Variants in NCKAP5 observed in about 807,000 individuals in gnomAD.
NCKAP5 encodes the protein nck-associated protein 5.
NCKAP5 carries 92 observed loss-of-function variants against 167.0 expected under a neutral mutation model. The ratio of observed to expected loss-of-function variants is 0.55; its 90% CI spans 0.47 to 0.66. NCKAP5 has a LOEUF of 0.66. Among genes scored for constraint, NCKAP5 ranks in the 30% least tolerant of loss-of-function variants. NCKAP5 has a pLI of 0.00. For missense variants in NCKAP5, 2,378 were observed against 2,315.0 expected (o/e 1.03, Z -0.56); for synonymous variants, 891 against 877.4 (o/e 1.02, Z -0.27).
chr2:133,222,142 A>G (rs1294038550), intron 4 of NCKAP5, among the ~76,000 whole-genome samples: 1 of 152,178 alleles, frequency 6.6e-6, no homozygotes, highest in Admixed American at 6.5e-5. Flanking sequence ...TTTTTGGATT[A>G]AGAACCCCTT....
chr2:133,313,353 G>C (rs1031569177), intron 3 of NCKAP5, among the ~76,000 whole-genome samples: 2 of 151,900 alleles, frequency 1.3e-5, no homozygotes, highest in African/African-American at 4.9e-5. Context: ...CAGAAGTTAA[G>C]TTGTATTCTC....
intron 8 of NCKAP5, among the ~76,000 whole-genome samples, chr2:132,914,780 G>A (rs1694733212): frequency 6.6e-6 from 1 of 151,962 alleles, no homozygotes; most frequent in African/African-American, 2.4e-5. Context: ...ATGGGTCACT[G>A]AGACGTGAAT....
chr2:133,566,808 C>A (rs1407270852), intron 1 of NCKAP5, among the ~76,000 whole-genome samples: 1 of 152,238 alleles, frequency 6.6e-6, no homozygotes, highest in Non-Finnish European at 1.5e-5. Flanking sequence ...GTTTTAGCAG[C>A]AAGTCCCTTA....
chr2:132,924,783 G>A (rs1695720395), intron 8 of NCKAP5, among the ~76,000 whole-genome samples: 1 of 151,990 alleles, frequency 6.6e-6, no homozygotes, highest in Non-Finnish European at 1.5e-5. Context: ...TAAAACCCAT[G>A]CCAAATCACA....
chr2:132,863,482 A>C (rs1229786514), intron 10 of NCKAP5, among the ~76,000 whole-genome samples: 1 of 152,040 alleles, frequency 6.6e-6, no homozygotes, highest in African/African-American at 2.4e-5. Context: ...AAAGAATGAA[A>C]GAAAAAAATC....
intron 8 of NCKAP5, among the ~76,000 whole-genome samples, chr2:132,900,311 C>T (rs965894581): frequency 6.6e-6 from 1 of 152,136 alleles, no homozygotes; most frequent in Admixed American, 6.5e-5. Flanking sequence ...TTGCCGCAAA[C>T]CCTCAACCTG....
intron 9 of NCKAP5, among the ~76,000 whole-genome samples, chr2:132,877,333 A>G (rs549267941): frequency 6.6e-6 from 1 of 152,328 alleles, no homozygotes; most frequent in Admixed American, 6.5e-5. Context: ...ATATTAAACA[A>G]TTAACATATC....
intron 10 of NCKAP5, among the ~76,000 whole-genome samples, chr2:132,862,373 T>C (rs1205808417): frequency 2.6e-5 from 4 of 152,192 alleles, no homozygotes; most frequent in East Asian, 3.8e-4. Flanking sequence ...AGCTTATGTA[T>C]AGGGTGTTTT....
At chr2:133,360,060 C>T (rs370723655) in intron 3 of NCKAP5, among the ~76,000 whole-genome samples, 13 of 152,078 alleles carry the variant, frequency 8.5e-5, no homozygotes, top group Admixed American at 8.5e-4. Context: ...CTGACCGCCC[C>T]ACCACCAGCC....
intron 6 of NCKAP5, chr2:133,118,494 C>G (rs1000648829): frequency 2.0e-5 from 3 of 152,140 alleles, no homozygotes; most frequent in African/African-American, 7.2e-5. Flanking sequence ...CATGGTCCAT[C>G]AGAAATAATA....
At chr2:133,361,463 T>A (rs1685099268) in intron 3 of NCKAP5, among the ~76,000 whole-genome samples, 1 of 152,210 alleles carries the variant, frequency 6.6e-6, no homozygotes, top group Admixed American at 6.5e-5. Flanking sequence ...TTAATCTCAT[T>A]TCAGTGGCAT....
At chr2:132,756,419 G>C (rs1216616466) in intron 16 of NCKAP5, among the ~76,000 whole-genome samples, 1 of 152,136 alleles carries the variant, frequency 6.6e-6, no homozygotes, top group African/African-American at 2.4e-5. Context: ...ACCTCTCTCT[G>C]TGGTTGAGGA....
chr2:133,278,074 GA>G (rs1271183222), intron 4 of NCKAP5, among the ~76,000 whole-genome samples: 1 of 152,178 alleles, frequency 6.6e-6, no homozygotes, highest in African/African-American at 2.4e-5. Flanking sequence ...TCAGCTGGAT[GA>G]AAGGAATGGT....
At chr2:133,465,077 A>G (rs1423727395) in intron 3 of NCKAP5, among the ~76,000 whole-genome samples, 2 of 151,724 alleles carry the variant, frequency 1.3e-5, no homozygotes, top group African/African-American at 4.9e-5. Flanking sequence ...TTACATATGT[A>G]TACATGTGCC....
chr2:133,226,604 AACACACAC>A lies in NCKAP5; in HGVS notation c.144-12833_144-12826del, dbSNP rs3051222. Reference sequence around the variant, plus strand: ...TAAAAAAAGGGAAAATTTGAAGATAAACACACACACACACACACACACACACACACACA... The same window carrying A: ...TAAAAAAAGGGAAAATTTGAAGATAAACACACACACACACACACACACACA... On this transcript the variant is annotated intron_variant, in intron 4 of 19. Transcript: ENST00000409261. Among the ~76,000 whole-genome samples the A allele has an allele frequency of 7.4e-4, 103 of 139,260 alleles. 1 individual carries two copies. Among genetic ancestry groups the A allele is most frequent in the Middle Eastern group, 7.2e-3 (2 of 278 alleles). 91.4% of individuals were successfully genotyped at this position (139,260 alleles called of 152,430 possible).
chr2:133,111,314 G>A (rs2149716318), intron 6 of NCKAP5, among the ~76,000 whole-genome samples: 1 of 152,198 alleles, frequency 6.6e-6, no homozygotes, highest in Middle Eastern at 3.4e-3. Context: ...TCTCAAAAAG[G>A]ACCTCACCAA....
At chr2:133,052,988 C>T (rs2149490182) in intron 6 of NCKAP5, among the ~76,000 whole-genome samples, 1 of 152,124 alleles carries the variant, frequency 6.6e-6, no homozygotes, top group East Asian at 1.9e-4. Flanking sequence ...TGGCATCCTC[C>T]TTGGGATGGC....
At chr2:132,736,159 G>A (rs555506924) in intron 16 of NCKAP5, among the ~76,000 whole-genome samples, 46 of 152,190 alleles carry the variant, frequency 3.0e-4, no homozygotes, top group Non-Finnish European at 5.9e-4. Flanking sequence ...GAAGTGAGGT[G>A]TGGACAGTCA....
chr2:132,942,771 T>C (rs1363063451), intron 8 of NCKAP5, among the ~76,000 whole-genome samples: 1 of 152,200 alleles, frequency 6.6e-6, no homozygotes, highest in East Asian at 1.9e-4. Flanking sequence ...CAGGCTCAAA[T>C]GTTCTCCTGC....
Sources: allele counts gnomAD v4.1 joint callset (sites outside exome capture counted in the v4.1 genomes callset), GRCh38; gene constraint gnomAD v4.1.1; transcripts MANE v1.5; gene names NCBI Gene and HGNC (gene_info 2026-07-23, HGNC 2026-07-21).